The following RAPGEF6 variants were observed in gnomAD, a reference collection of about 807,000 sequenced individuals.
The protein encoded by RAPGEF6 is Rap guanine nucleotide exchange factor 6, also known as PDZ domain containing guanine nucleotide exchange factor (GEF) 2.
In RAPGEF6, 56 loss-of-function variants were observed where a neutral mutation model predicts 171.4. That is an observed-to-expected ratio of 0.33 (90% CI 0.26 to 0.41). The LOEUF (loss-of-function observed/expected upper bound fraction) is 0.41, where lower values mean the gene tolerates loss of function less well. Among genes scored for constraint, RAPGEF6 ranks in the 10% least tolerant of loss-of-function variants. The pLI is 1.00. For synonymous variants in RAPGEF6, 692 were observed against 650.1 expected (o/e 1.06, Z -0.98); for missense variants, 1,674 against 1,921.4 (o/e 0.87, Z 2.41).
At chr5:131,570,108 T>G (rs1762189401) in intron 4 of RAPGEF6, among the ~76,000 whole-genome samples, 1 of 133,420 alleles carries the variant, frequency 7.5e-6, no homozygotes, top group Non-Finnish European at 1.6e-5. Context: ...ACTACATATA[T>G]GACATAGAAC....
intron 24 of RAPGEF6, 84 bp downstream of exon 24, chr5:131,439,497 T>G (rs1752239823): frequency 1.4e-5 from 21 of 1,469,566 alleles, no homozygotes; most frequent in Non-Finnish European, 1.9e-5. Flanking sequence ...GATTTATAAT[T>G]ATTGCTATAG....
chr5:131,620,287 T>C (rs981417172), intron 1 of RAPGEF6, among the ~76,000 whole-genome samples: 1 of 152,208 alleles, frequency 6.6e-6, no homozygotes, highest in African/African-American at 2.4e-5. Context: ...AACTATCACA[T>C]ATGCCTATGA....
At chr5:131,441,584 A>T (rs940732001) in intron 23 of RAPGEF6, among the ~76,000 whole-genome samples, 1 of 152,144 alleles carries the variant, frequency 6.6e-6, no homozygotes, top group Admixed American at 6.5e-5. Context: ...TTGTTCTTTT[A>T]TATGTTCTGC....
chr5:131,628,738 A>G (rs982515729), intron 1 of RAPGEF6, among the ~76,000 whole-genome samples: 3 of 152,172 alleles, frequency 2.0e-5, no homozygotes, highest in Non-Finnish European at 2.9e-5. Context: ...AGTTGAAGCC[A>G]ATGATCATTT....
At chr5:131,510,213 C>A (rs1757629015) in intron 8 of RAPGEF6, 101 bp downstream of exon 8, 1 of 1,235,754 alleles carries the variant, frequency 8.1e-7, no homozygotes, top group Non-Finnish European at 1.1e-6. Context: ...TGGCTTAACA[C>A]AACACACATT....
chr5:131,515,397 TAA>T (rs1758006737), intron 7 of RAPGEF6, among the ~76,000 whole-genome samples: 1 of 152,170 alleles, frequency 6.6e-6, no homozygotes, highest in South Asian at 2.1e-4. Flanking sequence ...CCCTGGATAA[TAA>T]AGTTTTAGTT....
intron 5 of RAPGEF6, among the ~76,000 whole-genome samples, chr5:131,554,449 T>C (rs572930362): frequency 6.2e-4 from 95 of 152,282 alleles, no homozygotes; most frequent in Non-Finnish European, 4.4e-4. Flanking sequence ...TACTGGACAA[T>C]AGGAATTACA....
rs753761531 is a variant in RAPGEF6, at chr5:131,439,712, G to A, written c.3614C>T (p.Thr1205Ile). 3.7e-6 allele frequency: 6 copies of A among 1,609,028 alleles called. No individual in the cohort carries two copies. Among genetic ancestry groups the A allele is most frequent in the African/African-American group, 2.7e-5 (2 of 74,844 alleles). Residue 1205 changes from threonine (T) to isoleucine (I), a missense_variant, in exon 24 of 28, where the codon ACA (threonine) becomes ATA (isoleucine). Thr to Ile is a moderately conservative substitution (Grantham distance 89). Transcript: ENST00000509018. ...KGQTKDPALN[T>I]SLPQKVLGTT... ...TCCTAAAACTTTCTGAGGTAAACTT[G>A]TATCTAAAAATAAAACCAAAGATGC...
At chr5:131,529,877 A>G (rs1231166941) in intron 6 of RAPGEF6, among the ~76,000 whole-genome samples, 3 of 150,958 alleles carry the variant, frequency 2.0e-5, no homozygotes, top group Non-Finnish European at 4.4e-5. Flanking sequence ...CAGCCTGGGC[A>G]ACAGAGCAGG....
chr5:131,617,365 G>A (rs1765333057), intron 1 of RAPGEF6, among the ~76,000 whole-genome samples: 2 of 152,180 alleles, frequency 1.3e-5, no homozygotes, highest in Admixed American at 6.5e-5. Context: ...GCCTATTTCA[G>A]CTCTGTTAGT....
intron 15 of RAPGEF6, among the ~76,000 whole-genome samples, chr5:131,488,905 C>G (rs879718118): frequency 2.0e-5 from 3 of 152,106 alleles, no homozygotes; most frequent in African/African-American, 4.8e-5. Context: ...CTAAGGCAAT[C>G]AAATCACATT....
chr5:131,629,754 A>G (rs968300497), intron 1 of RAPGEF6, among the ~76,000 whole-genome samples: 5 of 151,572 alleles, frequency 3.3e-5, no homozygotes, highest in Non-Finnish European at 7.4e-5. Context: ...TCTTGTCTCA[A>G]AGAAAAAGAA....
At chr5:131,453,485 G>C (rs2149824629) in intron 20 of RAPGEF6, among the ~76,000 whole-genome samples, 1 of 152,232 alleles carries the variant, frequency 6.6e-6, no homozygotes, top group Middle Eastern at 3.4e-3. Context: ...CAGCACTTTG[G>C]AAGGCCGAGG....
intron 15 of RAPGEF6, among the ~76,000 whole-genome samples, chr5:131,487,345 C>A (rs1218763706): frequency 1.3e-5 from 2 of 152,228 alleles, no homozygotes; most frequent in Admixed American, 1.3e-4. Flanking sequence ...CAGCTTGCCC[C>A]TGCTGGCTGG....
intron 15 of RAPGEF6, among the ~76,000 whole-genome samples, chr5:131,481,131 G>T (rs1228155583): frequency 1.3e-5 from 2 of 151,494 alleles, no homozygotes; most frequent in Admixed American, 1.3e-4. Context: ...CTCCATGTTG[G>T]TCAGGCTGGT....
At chr5:131,428,611 C>A (rs1489385026) in intron 27 of RAPGEF6, among the ~76,000 whole-genome samples, 2 of 152,030 alleles carry the variant, frequency 1.3e-5, no homozygotes, top group East Asian at 1.9e-4. Context: ...CAGGCATGCG[C>A]CATAATGCCT....
intron 6 of RAPGEF6, among the ~76,000 whole-genome samples, chr5:131,544,926 G>A (rs766547167): frequency 1.3e-5 from 2 of 151,980 alleles, no homozygotes; most frequent in Non-Finnish European, 2.9e-5. Flanking sequence ...CAAGTGATCC[G>A]CCTGCCTCGG....
chr5:131,539,810 G>A (rs150689208), intron 6 of RAPGEF6, among the ~76,000 whole-genome samples: 10 of 152,286 alleles, frequency 6.6e-5, no homozygotes, highest in South Asian at 2.1e-4. Flanking sequence ...AATGGAGAAC[G>A]TGATATAATC....
chr5:131,523,068 C>A (rs1015604031), intron 6 of RAPGEF6, among the ~76,000 whole-genome samples: 9 of 151,940 alleles, frequency 5.9e-5, no homozygotes, highest in Non-Finnish European at 1.2e-4. Context: ...CCCAATAAAA[C>A]CAGGCACATA....
Sources: allele counts gnomAD v4.1 joint callset (sites outside exome capture counted in the v4.1 genomes callset), GRCh38; gene constraint gnomAD v4.1.1; transcripts MANE v1.5; gene names NCBI Gene and HGNC (gene_info 2026-07-23, HGNC 2026-07-21).